PDE1C: variants seen among roughly 807,000 people sequenced by gnomAD.
PDE1C encodes phosphodiesterase 1C.
A neutral mutation model predicts 93.1 loss-of-function variants in PDE1C; 62 were observed. The observed-to-expected ratio is 0.67, with a 90% CI of 0.54 to 0.82. The LOEUF (loss-of-function observed/expected upper bound fraction) is 0.82, where lower values mean the gene tolerates loss of function less well. Among genes scored for constraint, PDE1C ranks in the 40% least tolerant of loss-of-function variants. The pLI, the probability that PDE1C is intolerant of heterozygous loss-of-function variation, is 0.00. For synonymous variants in PDE1C, 325 were observed against 310.1 expected (o/e 1.05, Z -0.50); for missense variants, 742 against 884.6 (o/e 0.84, Z 2.04).
the PDE1C span, among the ~76,000 whole-genome samples, chr7:31,678,463 C>T: frequency 6.6e-6 from 1 of 151,944 alleles, no homozygotes; most frequent in African/African-American, 2.4e-5. Context: ...GATGACATCA[C>T]CAATCAATAG....
At chr7:31,735,558 G>A in the PDE1C span, among the ~76,000 whole-genome samples, 1 of 152,228 alleles carries the variant, frequency 6.6e-6, no homozygotes, top group Non-Finnish European at 1.5e-5. Context: ...CTTAGTAGCT[G>A]TGGATGTTAG....
At chr7:32,412,242 G>A (rs1785184773) in intron 1 of PDE1C, among the ~76,000 whole-genome samples, 1 of 152,040 alleles carries the variant, frequency 6.6e-6, no homozygotes, top group Admixed American at 6.6e-5. Context: ...ATTACCTGAG[G>A]TCAGGAGTTC....
chr7:32,272,914 G>A (rs1162076406), intron 1 of PDE1C, among the ~76,000 whole-genome samples: 2 of 152,182 alleles, frequency 1.3e-5, no homozygotes, highest in Admixed American at 1.3e-4. Context: ...AATGCATTGA[G>A]CAAAAAGAAA....
the PDE1C span, chr7:31,656,027 A>G: frequency 1.0e-6 from 1 of 984,378 alleles, no homozygotes; most frequent in African/African-American, 1.7e-5. Context: ...CAAATGAAGT[A>G]TCTCACCAGT....
intron 3 of PDE1C, among the ~76,000 whole-genome samples, chr7:32,145,922 A>G (rs1208837895): frequency 2.0e-5 from 3 of 152,158 alleles, no homozygotes; most frequent in Admixed American, 2.0e-4. Flanking sequence ...AGTAAAAATA[A>G]ATCAGTGAAA....
In PDE1C at chr7:32,350,558, A is replaced by AAG. The variant is rs1562686424; in HGVS notation, c.310+77263_310+77264insCT. On this transcript the variant is annotated intron_variant, in intron 1 of 1. Coordinates refer to the PDE1C transcript ENST00000672256. Reference sequence around the variant, plus strand: ...CATGGCATTTGACTAATATATATATATATATATATATATATATATATATAT... The same window carrying AAG: ...CATGGCATTTGACTAATATATATATAAGTATATATATATATATATATATATAT... 3.6e-3 allele frequency among the ~76,000 whole-genome samples: 4 copies of AAG among 1,110 alleles called. 1 individual carries two copies. The highest frequency in any genetic ancestry group is 2.5e-3 in the African/African-American group (2 of 812). The allele number at this position is 1,110 out of a possible 152,430, so 0.7% of individuals were successfully genotyped here. A position where few individuals can be genotyped will look rare whatever the true frequency, so the allele number is the denominator to read the frequency against.
the PDE1C span, among the ~76,000 whole-genome samples, chr7:31,700,720 C>T: frequency 0.042 from 6,360 of 152,130 alleles, 180 homozygotes; most frequent in Non-Finnish European, 0.064. Context: ...GATAATGCCC[C>T]GGTGACTTTA....
intron 2 of PDE1C, among the ~76,000 whole-genome samples, chr7:31,956,826 T>G (rs1300780546): frequency 3.9e-5 from 6 of 152,136 alleles, no homozygotes; most frequent in Admixed American, 2.0e-4. Context: ...TGAACACAAA[T>G]TGGTTAAAAT....
upstream of PDE1C, chr7:32,070,408 G>T: frequency 6.2e-7 from 1 of 1,613,954 alleles, no homozygotes; most frequent in South Asian, 1.1e-5. Flanking sequence ...GCAGGTAGGT[G>T]ACCACTGGCG....
At chr7:32,321,735 A>C (rs1245510113) in intron 1 of PDE1C, among the ~76,000 whole-genome samples, 1 of 152,222 alleles carries the variant, frequency 6.6e-6, no homozygotes, top group East Asian at 1.9e-4. Flanking sequence ...TATACTTACC[A>C]ACTGGCATAA....
At chr7:31,812,585 A>C (rs1466264541) in intron 15 of PDE1C, among the ~76,000 whole-genome samples, 1 of 152,154 alleles carries the variant, frequency 6.6e-6, no homozygotes, top group Non-Finnish European at 1.5e-5. Context: ...TGTAGAATTC[A>C]AATTTTAATT....
At chr7:31,743,702 C>A in the PDE1C span, among the ~76,000 whole-genome samples, 1 of 152,050 alleles carries the variant, frequency 6.6e-6, no homozygotes, top group African/African-American at 2.4e-5. Flanking sequence ...TCTGGAGTAA[C>A]AACAGAAATA....
At chr7:31,993,115 T>C (rs1784333099) in intron 2 of PDE1C, among the ~76,000 whole-genome samples, 1 of 152,228 alleles carries the variant, frequency 6.6e-6, no homozygotes, top group African/African-American at 2.4e-5. Flanking sequence ...CATCCCAACA[T>C]GTACTGTTAA....
chr7:31,732,110 G>A, the PDE1C span, among the ~76,000 whole-genome samples: 1 of 152,244 alleles, frequency 6.6e-6, no homozygotes, highest in African/African-American at 2.4e-5. Flanking sequence ...GCGAGGTGCG[G>A]GAGGAGGGGC....
intron 2 of PDE1C, among the ~76,000 whole-genome samples, chr7:32,209,073 G>A (rs1276305090): frequency 6.6e-6 from 1 of 152,180 alleles, no homozygotes; most frequent in East Asian, 1.9e-4. Context: ...TTGAAAGATT[G>A]AAAGGATAGT....
upstream of PDE1C, among the ~76,000 whole-genome samples, chr7:32,302,011 T>C (rs1187097877): frequency 6.6e-6 from 1 of 152,244 alleles, no homozygotes; most frequent in Non-Finnish European, 1.5e-5. Flanking sequence ...AAAGTTTCAT[T>C]GGAACATAGC....
At chr7:32,394,377 G>A (rs543440514) in intron 1 of PDE1C, among the ~76,000 whole-genome samples, 1 of 152,338 alleles carries the variant, frequency 6.6e-6, no homozygotes, top group East Asian at 1.9e-4. Flanking sequence ...TGAAATCTCA[G>A]GTTGATCCTC....
At chr7:32,016,666 A>G (rs549885512) in intron 2 of PDE1C, among the ~76,000 whole-genome samples, 2 of 152,326 alleles carry the variant, frequency 1.3e-5, no homozygotes, top group East Asian at 3.9e-4. Context: ...GAGGTAGAAT[A>G]TTATGTAGCC....
At chr7:32,022,051 T>C (rs1788753076) in intron 2 of PDE1C, among the ~76,000 whole-genome samples, 2 of 152,074 alleles carry the variant, frequency 1.3e-5, no homozygotes, top group South Asian at 4.1e-4. Flanking sequence ...CTTAGGAACC[T>C]ACAATGGCTC....
Sources: allele counts gnomAD v4.1 joint callset (sites outside exome capture counted in the v4.1 genomes callset), GRCh38; gene constraint gnomAD v4.1.1; transcripts MANE v1.5; gene names NCBI Gene and HGNC (gene_info 2026-07-23, HGNC 2026-07-21).